CRTAC1: variants seen among roughly 807,000 people sequenced by gnomAD.
CRTAC1 encodes cartilage acidic protein 1.
In CRTAC1, 37 loss-of-function variants were observed where a neutral mutation model predicts 67.8. The ratio of observed to expected loss-of-function variants is 0.55; its 90% CI spans 0.42 to 0.72. CRTAC1 has a LOEUF of 0.72. Ranked by LOEUF, CRTAC1 falls within the 30% of genes least tolerant of loss-of-function variation. CRTAC1 has a pLI of 0.00. For missense variants in CRTAC1, 780 were observed against 931.6 expected (o/e 0.84, Z 2.12); for synonymous variants, 348 against 371.0 (o/e 0.94, Z 0.71).
chr10:97,947,997 A>G (rs1016226304), intron 2 of CRTAC1, among the ~76,000 whole-genome samples: 3 of 152,104 alleles, frequency 2.0e-5, no homozygotes, highest in African/African-American at 4.8e-5. Flanking sequence ...TGTCAAAACA[A>G]TGTTTTGGAG....
intron 2 of CRTAC1, among the ~76,000 whole-genome samples, chr10:98,009,287 T>A (rs768009187): frequency 6.6e-6 from 1 of 152,228 alleles, no homozygotes; most frequent in Admixed American, 6.5e-5. Flanking sequence ...AGTAGCTACG[T>A]GTGGCTGGTG....
chr10:97,988,576 C>T (rs151014932), intron 2 of CRTAC1, among the ~76,000 whole-genome samples: 2,078 of 152,110 alleles, frequency 0.014, 58 homozygotes, highest in African/African-American at 0.046. Flanking sequence ...AAAAATTAGC[C>T]GGGTGTGGCA....
At position 98,022,540 on chromosome 10, in the gene CRTAC1, T is replaced by C. The variant is rs1349672307; in HGVS notation, c.24+7909A>G. On this transcript the variant is annotated intron_variant, in intron 1 of 14. Coordinates refer to ENST00000370597, the MANE Select transcript of CRTAC1 (RefSeq NM_018058.7). Reference sequence around the variant, plus strand: ...GCTGGAGACCTATGGATCAACGATATGGATGTGAGACAGCTTGATACATGC... The same window carrying C: ...GCTGGAGACCTATGGATCAACGATACGGATGTGAGACAGCTTGATACATGC... Among the ~76,000 whole-genome samples, 4 of 150,694 alleles carry C rather than the reference T, an allele frequency of 2.7e-5. No individual in the cohort carries two copies. The East Asian group carries it at 7.8e-4, about 30-fold the overall frequency.
intron 1 of CRTAC1, among the ~76,000 whole-genome samples, chr10:98,016,286 A>C (rs1307460637): frequency 6.6e-6 from 1 of 152,232 alleles, no homozygotes; most frequent in Non-Finnish European, 1.5e-5. Flanking sequence ...AAACCATCAT[A>C]GTGCCTGGTA....
chr10:97,972,572 T>C (rs1411745236), intron 2 of CRTAC1, among the ~76,000 whole-genome samples: 1 of 152,160 alleles, frequency 6.6e-6, no homozygotes, highest in Admixed American at 6.6e-5. Context: ...TACTACATTA[T>C]CTCTGAATAA....
intron 5 of CRTAC1, among the ~76,000 whole-genome samples, chr10:97,917,056 A>T (rs368508382): frequency 4.6e-5 from 7 of 152,190 alleles, no homozygotes; most frequent in Non-Finnish European, 1.0e-4. Flanking sequence ...TTAGCACTCA[A>T]TTCCTGGTTG....
At chr10:97,893,127 T>G (rs2136553545) in intron 11 of CRTAC1, among the ~76,000 whole-genome samples, 1 of 152,312 alleles carries the variant, frequency 6.6e-6, no homozygotes, top group Admixed American at 6.5e-5. Flanking sequence ...CACAAGGTAG[T>G]CATGAGGATT....
chr10:97,961,286 C>A (rs1197069481), intron 2 of CRTAC1, among the ~76,000 whole-genome samples: 1 of 152,052 alleles, frequency 6.6e-6, no homozygotes, highest in Non-Finnish European at 1.5e-5. Context: ...GATATTCTAT[C>A]CCCAAACAAC....
At chr10:97,983,554 G>A in intron 2 of CRTAC1, among the ~76,000 whole-genome samples, 1 of 152,136 alleles carries the variant, frequency 6.6e-6, no homozygotes, top group Non-Finnish European at 1.5e-5. Context: ...GAAATTTCAA[G>A]ACACCAAGGG....
chr10:97,886,493 CCT>C (rs1204474289), intron 11 of CRTAC1, among the ~76,000 whole-genome samples: 1 of 152,240 alleles, frequency 6.6e-6, no homozygotes, highest in Non-Finnish European at 1.5e-5. Flanking sequence ...ACAGGGAAAT[CCT>C]CTCTTTCCAG....
intron 13 of CRTAC1, among the ~76,000 whole-genome samples, chr10:97,881,972 T>G (rs1297021755): frequency 6.6e-6 from 1 of 152,164 alleles, no homozygotes. Context: ...CCCTCCCCCA[T>G]CTGGGCCCTG....
At chr10:97,997,402 G>A (rs548404995) in intron 2 of CRTAC1, among the ~76,000 whole-genome samples, 4 of 140,912 alleles carry the variant, frequency 2.8e-5, no homozygotes, top group African/African-American at 5.3e-5. Flanking sequence ...GCAGTGAGCC[G>A]AGATACTGCC....
chr10:97,868,952 T>A (rs915408840), intron 14 of CRTAC1: 1 of 152,212 alleles, frequency 6.6e-6, no homozygotes, highest in Non-Finnish European at 1.5e-5. Flanking sequence ...ACAGCAACCC[T>A]CTATGGCATG....
rs536588214 is a variant in CRTAC1 at position 97,872,910 on chromosome 10, T to G, written c.1820-7196A>C. Among the ~76,000 whole-genome samples, 3 of 152,328 alleles carry G rather than the reference T, an allele frequency of 2.0e-5. No homozygotes were observed. In the East Asian group the frequency reaches 5.8e-4, roughly 29 times the overall value. ...TGTGTCTTGTTGGGAAGAATCCTTATAGGTCTAATATTGCCCCAGCTAATG... is the reference window on the plus strand; with the variant it reads ...TGTGTCTTGTTGGGAAGAATCCTTAGAGGTCTAATATTGCCCCAGCTAATG... On this transcript the variant is annotated intron_variant, in intron 14 of 14. Coordinates refer to ENST00000370597, the MANE Select transcript of CRTAC1 (RefSeq NM_018058.7).
chr10:97,895,167 G>C lies in CRTAC1; in HGVS notation c.1486+78C>G. 4 of 1,449,640 alleles carry C rather than the reference G, an allele frequency of 2.8e-6. No individual in the cohort carries two copies. The highest frequency in any genetic ancestry group is 3.8e-6 in the Non-Finnish European group (4 of 1,058,266). The allele number at this position is 1,449,640 out of a possible 1,614,324, so 89.8% of individuals were successfully genotyped here. A position where few individuals can be genotyped will look rare whatever the true frequency, so the allele number is the denominator to read the frequency against. Reference sequence around the variant, plus strand: ...CACAGTAGAGCGGAGCGGTGCCCAAGGATGCTCGGGCTGTGAGTCCCTGAA... The same window carrying C: ...CACAGTAGAGCGGAGCGGTGCCCAACGATGCTCGGGCTGTGAGTCCCTGAA... On this transcript the variant is annotated intron_variant, in intron 11 of 14. Transcript: ENST00000370597. The surrounding 1 kb of genome is among the most constrained non-coding windows in gnomAD (Gnocchi z 4.2).
At chr10:97,905,739 G>A (rs1026873692) in intron 6 of CRTAC1, among the ~76,000 whole-genome samples, 2 of 152,212 alleles carry the variant, frequency 1.3e-5, no homozygotes, top group Admixed American at 6.5e-5. Context: ...AAGGCAAACC[G>A]GGGACGTGGG....
In CRTAC1 at chr10:98,018,319, T is replaced by C. The variant is rs181534307; in HGVS notation, c.25-6982A>G. 3.2e-3 allele frequency among the ~76,000 whole-genome samples: 474 copies of C among 149,734 alleles called. 1 individual carries two copies. Among genetic ancestry groups the C allele is most frequent in the African/African-American group, 0.011 (441 of 40,896 alleles). On this transcript the variant is annotated intron_variant, in intron 1 of 14. Coordinates refer to ENST00000370597, the MANE Select transcript of CRTAC1 (RefSeq NM_018058.7). ...ACAGCCTAGCTCATGACCTTGGGCC[T>C]ATTCCTTGATCTTGTTGGTCTTTGG... is the stretch of plus-strand genomic sequence containing the variant.
intron 11 of CRTAC1, among the ~76,000 whole-genome samples, chr10:97,891,694 C>A (rs1014780622): frequency 2.6e-5 from 4 of 152,214 alleles, no homozygotes; most frequent in African/African-American, 9.7e-5. Context: ...CCTGTTCTCG[C>A]ACCCCCATGT....
intron 5 of CRTAC1, among the ~76,000 whole-genome samples, chr10:97,912,655 T>C (rs2050704263): frequency 6.6e-6 from 1 of 152,132 alleles, no homozygotes; most frequent in South Asian, 2.1e-4. Context: ...GCAGCTGAAC[T>C]TCTCCAAGCT....
Sources: gnomAD v4.1 joint callset for allele counts (sites outside exome capture counted in the v4.1 genomes callset) on GRCh38, gnomAD v4.1.1 for gene constraint, Gnocchi (gnomAD v3.1) non-coding constraint, MANE v1.5 for transcripts, NCBI Gene and HGNC (gene_info 2026-07-23, HGNC 2026-07-21) for gene names.